LGALSL: variants seen among roughly 807,000 people sequenced by gnomAD.
LGALSL encodes the protein galectin like.
LGALSL carries 13 observed loss-of-function variants against 19.5 expected under a neutral mutation model. The ratio of observed to expected loss-of-function variants is 0.67; its 90% CI spans 0.43 to 1.06. The LOEUF is 1.06. LGALSL is among the 50% of genes least tolerant of loss of function. The pLI, the probability that LGALSL is intolerant of heterozygous loss-of-function variation, is 0.00. For missense variants in LGALSL, 189 were observed against 219.3 expected (o/e 0.86, Z 0.87); for synonymous variants, 86 against 78.3 (o/e 1.10, Z -0.52).
rs914618426 is a variant in LGALSL at position 64,458,168 on chromosome 2, C to T, written c.376-117C>T. 2.9e-5 allele frequency: 27 copies of T among 919,732 alleles called. No homozygotes were observed. The African/African-American group carries it at 4.3e-4, about 15-fold the overall frequency. 57.0% of individuals were successfully genotyped at this position (919,732 alleles called of 1,614,324 possible). On this transcript the variant is annotated intron_variant, in intron 4 of 4. Transcript: ENST00000238875. ...AACAAGCCCTCTGCAGGTCTCAATG[C>T]ATTCTGATGTTTGTGAACCACTGAA...
At position 64,460,981 on chromosome 2, in the gene LGALSL, TACTTAAA is replaced by T. The variant is rs757828530; in HGVS notation, c.*2560_*2566del. The T allele has an allele frequency of 5.9e-5, 9 of 152,232 alleles. No individual in the cohort carries two copies. The highest frequency in any genetic ancestry group is 9.6e-5 in the African/African-American group (4 of 41,456). The allele number at this position is 152,232 out of a possible 1,614,324, so 9.4% of individuals were successfully genotyped here. On this transcript the variant is annotated 3_prime_UTR_variant, in exon 5 of 5. Coordinates refer to ENST00000238875, the MANE Select transcript of LGALSL (RefSeq NM_014181.3). ...TAAAATTGGAGTGAGTGTGTATATC[TACTTAAA>T]ACTTAATAGAAGTGACTTCTACTTT...
intron 4 of LGALSL, among the ~76,000 whole-genome samples, chr2:64,456,930 C>A (rs1304918731): frequency 6.6e-6 from 1 of 152,120 alleles, no homozygotes; most frequent in African/African-American, 2.4e-5. Context: ...AGGCCATGTT[C>A]GTGTCCTTGT....
chr2:64,457,421 C>CAAA, intron 4 of LGALSL, among the ~76,000 whole-genome samples: 2 of 107,920 alleles, frequency 1.9e-5, no homozygotes, highest in South Asian at 5.5e-4. Flanking sequence ...AAGGCTCTGT[C>CAAA]AAAAAAAAAA....
rs1215455876 is a variant in LGALSL, at chr2:64,454,887, C to T, written c.36+306C>T. The stretch of plus-strand genomic sequence containing the variant: ...CAGGTGTGCGCGTGGGTGAGTGTGT[C>T]CGGGGCGCGCGCCCCGCCACCGCCC... On this transcript the variant is annotated intron_variant, in intron 1 of 4. Transcript: ENST00000238875. The surrounding 1 kb of genome is among the most constrained non-coding windows in gnomAD (Gnocchi z 5.1). Among the ~76,000 whole-genome samples the T allele has an allele frequency of 2.7e-5, 4 of 150,862 alleles. No individual in the cohort carries two copies. The highest frequency in any genetic ancestry group is 7.3e-5 in the African/African-American group (3 of 41,016).
At chr2:64,456,569 TC>T in intron 4 of LGALSL, 104 bp downstream of exon 4, 1 of 926,148 alleles carries the variant, frequency 1.1e-6, no homozygotes, top group Non-Finnish European at 1.5e-6. Context: ...TTTCTGCATG[TC>T]CAGGAAATTT....
rs894083741 is a variant in LGALSL at position 64,454,656 on chromosome 2, C to T, written c.36+75C>T. On this transcript the variant is annotated intron_variant, in intron 1 of 4. Transcript: ENST00000238875. This position sits in a 1 kb window ranked among gnomAD's most constrained non-coding sequence, Gnocchi z 5.1. ...TCCGCCGCCGCCTGCTCCAGCAGTG[C>T]TGGGGTGCTGAGCAGCCGCAGGCCC... 1.0e-5 allele frequency: 11 copies of T among 1,091,846 alleles called. No individual in the cohort carries two copies. Among genetic ancestry groups the T allele is most frequent in the Non-Finnish European group, 1.3e-5 (11 of 857,762 alleles). 67.6% of individuals were successfully genotyped at this position (1,091,846 alleles called of 1,614,324 possible). A position where few individuals can be genotyped will look rare whatever the true frequency, so the allele number is the denominator to read the frequency against.
Position 64,459,213 on chromosome 2 carries a change from A to G in LGALSL, c.*785A>G, listed in dbSNP as rs1026610725. ...TTTTGATAAAACTGCTTTCCAAGTT[A>G]TTGTTGGTTATGTAAAATTCTATTT... On this transcript the variant is annotated 3_prime_UTR_variant, in exon 5 of 5. Coordinates refer to ENST00000238875, the MANE Select transcript of LGALSL (RefSeq NM_014181.3). 4.6e-5 allele frequency: 7 copies of G among 152,158 alleles called. No homozygotes were observed. The highest frequency in any genetic ancestry group is 1.0e-4 in the Non-Finnish European group (7 of 68,012). 9.4% of individuals were successfully genotyped at this position (152,158 alleles called of 1,614,324 possible).
Position 64,454,811 on chromosome 2 carries a change from A to G in LGALSL, c.36+230A>G, listed in dbSNP as rs1686705331. On this transcript the variant is annotated intron_variant, in intron 1 of 4. Transcript: ENST00000238875. This position sits in a 1 kb window ranked among gnomAD's most constrained non-coding sequence, Gnocchi z 5.1. ...GGGCTGGGGAGGGAGTTTGGGGAGGATGGCGGGTAGGGACGCCCGACAGCC... is the reference window on the plus strand; with the variant it reads ...GGGCTGGGGAGGGAGTTTGGGGAGGGTGGCGGGTAGGGACGCCCGACAGCC... 6.6e-6 allele frequency among the ~76,000 whole-genome samples: 1 copy of G among 150,558 alleles called. No homozygotes were observed. Among genetic ancestry groups the G allele is most frequent in the Admixed American group, 6.6e-5 (1 of 15,158 alleles).
chr2:64,454,603 C>G lies in LGALSL; in HGVS notation c.36+22C>G. ...GGTGGTGAGTGTGGCAGGGCGCGCG[C>G]GAGGCGCCCCTCCCCGCCGTCCCGC... On this transcript the variant is annotated intron_variant, in intron 1 of 4. Transcript: ENST00000238875. The surrounding 1 kb of genome is among the most constrained non-coding windows in gnomAD (Gnocchi z 5.1). 3 of 1,393,894 alleles carry G rather than the reference C, an allele frequency of 2.2e-6. No homozygotes were observed. The highest frequency in any genetic ancestry group is 3.1e-5 in the South Asian group (2 of 64,112). The allele number at this position is 1,393,894 out of a possible 1,614,324, so 86.3% of individuals were successfully genotyped here.
At chr2:64,455,877 A>G (rs932513430) in intron 3 of LGALSL, among the ~76,000 whole-genome samples, 200 bp downstream of exon 3, 4 of 152,070 alleles carry the variant, frequency 2.6e-5, no homozygotes, top group African/African-American at 7.2e-5. Flanking sequence ...TATATCAGAG[A>G]TTATAAATAT....
At position 64,454,615 on chromosome 2, in the gene LGALSL, C is replaced by T. The variant is rs938220410; in HGVS notation, c.36+34C>T. ...GGCAGGGCGCGCGCGAGGCGCCCCT[C>T]CCCGCCGTCCCGCACTCCGCCGCCG... is the stretch of plus-strand genomic sequence containing the variant. On this transcript the variant is annotated intron_variant, in intron 1 of 4. Transcript: ENST00000238875. The surrounding 1 kb of genome is among the most constrained non-coding windows in gnomAD (Gnocchi z 5.1). The T allele has an allele frequency of 2.9e-6, 4 of 1,365,672 alleles. No individual in the cohort carries two copies. In the African/African-American group the frequency reaches 4.5e-5, roughly 15 times the overall value. The allele number at this position is 1,365,672 out of a possible 1,614,324, so 84.6% of individuals were successfully genotyped here.
chr2:64,458,470 T>C lies in LGALSL; in HGVS notation c.*42T>C, dbSNP rs1454166888. The C allele has an allele frequency of 3.8e-6, 6 of 1,577,888 alleles. No homozygotes were observed. Among genetic ancestry groups the C allele is most frequent in the South Asian group, 1.1e-5 (1 of 87,786 alleles). On this transcript the variant is annotated 3_prime_UTR_variant, in exon 5 of 5. Coordinates refer to ENST00000238875, the MANE Select transcript of LGALSL (RefSeq NM_014181.3). ...TTCAAATAGGATCACGTGCCACAAC[T>C]ATCTGACTGTTGGTCTGGAAGAAGT...
Position 64,454,294 on chromosome 2 carries a change from C to T in LGALSL, c.-252C>T. On this transcript the variant is annotated 5_prime_UTR_variant, in exon 1 of 5. Coordinates refer to ENST00000238875, the MANE Select transcript of LGALSL (RefSeq NM_014181.3). This position sits in a 1 kb window ranked among gnomAD's most constrained non-coding sequence, Gnocchi z 5.1. ...AGCAAGCAGCCCCGTCGGCCCGGGT[C>T]CGGGGCCGTTCTGGGCCGCGGCAAG... 2.5e-6 allele frequency: 1 copy of T among 395,326 alleles called. No homozygotes were observed. Among genetic ancestry groups the T allele is most frequent in the Admixed American group, 4.4e-5 (1 of 22,556 alleles). 24.5% of individuals were successfully genotyped at this position (395,326 alleles called of 1,614,324 possible).
intron 1 of LGALSL, 112 bp from the exon 2 acceptor site, chr2:64,455,232 A>T: frequency 1.3e-6 from 1 of 775,178 alleles, no homozygotes; most frequent in Admixed American, 1.8e-5. Flanking sequence ...TCATCTGCAG[A>T]CACTGTGTGC....
chr2:64,455,009 GACA>G (rs1686710024), intron 1 of LGALSL, among the ~76,000 whole-genome samples: 1 of 152,158 alleles, frequency 6.6e-6, no homozygotes, highest in South Asian at 2.1e-4. Flanking sequence ...CGTCCCGAAG[GACA>G]GGCCTGGCCC....
Position 64,454,518 on chromosome 2 carries a change from C to G in LGALSL, c.-28C>G. The G allele has an allele frequency of 3.6e-6, 5 of 1,386,108 alleles. No individual in the cohort carries two copies. The highest frequency in any genetic ancestry group is 4.7e-6 in the Non-Finnish European group (5 of 1,063,822). The allele number at this position is 1,386,108 out of a possible 1,614,324, so 85.9% of individuals were successfully genotyped here. A position where few individuals can be genotyped will look rare whatever the true frequency, so the allele number is the denominator to read the frequency against. ...GGATCCCCGCCCGCGCGCCGCGTCC[C>G]ACGTACCCCGCCGCGCCGGGCAAGA... On this transcript the variant is annotated 5_prime_UTR_variant, in exon 1 of 5. Transcript: ENST00000238875. This position sits in a 1 kb window ranked among gnomAD's most constrained non-coding sequence, Gnocchi z 5.1.
chr2:64,455,120 G>A (rs1365641419), intron 1 of LGALSL, among the ~76,000 whole-genome samples: 1 of 152,234 alleles, frequency 6.6e-6, no homozygotes, highest in Non-Finnish European at 1.5e-5. Flanking sequence ...ATTTTGATCT[G>A]GATCTGAAGG....
In LGALSL at chr2:64,458,481, TG is replaced by T; in HGVS notation, c.*55del. The stretch of plus-strand genomic sequence containing the variant: ...TCACGTGCCACAACTATCTGACTGT[TG>T]GTCTGGAAGAAGTGTCCTAGCAAGA... On this transcript the variant is annotated 3_prime_UTR_variant, in exon 5 of 5. Transcript: ENST00000238875. 1 of 1,551,186 alleles carries T rather than the reference TG, an allele frequency of 6.4e-7. No individual in the cohort carries two copies. Among genetic ancestry groups the T allele is most frequent in the Non-Finnish European group, 8.8e-7 (1 of 1,135,254 alleles).
Position 64,454,453 on chromosome 2 carries a change from G to A in LGALSL, c.-93G>A, listed in dbSNP as rs1457320148. ...TGTGCGCGCGCCCGCCGCCAGCTCG[G>A]ACCCGCGCCCCCGCCCCCGCCCCGC... On this transcript the variant is annotated 5_prime_UTR_variant, in exon 1 of 5. Transcript: ENST00000238875. The surrounding 1 kb of genome is among the most constrained non-coding windows in gnomAD (Gnocchi z 5.1). The A allele has an allele frequency of 1.5e-6, 1 of 665,060 alleles. No homozygotes were observed. The highest frequency in any genetic ancestry group is 2.0e-6 in the Non-Finnish European group (1 of 498,828). 41.2% of individuals were successfully genotyped at this position (665,060 alleles called of 1,614,324 possible).
Sources: gnomAD v4.1 joint callset for allele counts (sites outside exome capture counted in the v4.1 genomes callset) on GRCh38, gnomAD v4.1.1 for gene constraint, Gnocchi (gnomAD v3.1) non-coding constraint, MANE v1.5 for transcripts, NCBI Gene and HGNC (gene_info 2026-07-23, HGNC 2026-07-21) for gene names.